Variants in EIF5AL1 observed in about 807,000 individuals in gnomAD.
EIF5AL1 encodes the protein eukaryotic translation initiation factor 5A-1-like.
In EIF5AL1, 4 loss-of-function variants were observed where a neutral mutation model predicts 9.0. The observed-to-expected ratio is 0.45, with a 90% CI of 0.22 to 1.02. The LOEUF is 1.02. Ranked by LOEUF, EIF5AL1 falls within the 50% of genes least tolerant of loss-of-function variation. The pLI, the probability that EIF5AL1 is intolerant of heterozygous loss-of-function variation, is 0.24. For missense variants in EIF5AL1, 58 were observed against 194.1 expected, an observed-to-expected ratio of 0.30 and a Z score of 4.17; for synonymous variants, 40 against 75.7, an observed-to-expected ratio of 0.53 and a Z score of 2.45.
rs943959457 is a variant in EIF5AL1 at position 79,513,890 on chromosome 10, G to C, written c.*776G>C. 6.0e-6 allele frequency: 1 copy of C among 167,300 alleles called. No individual in the cohort carries two copies. The highest frequency in any genetic ancestry group is 2.4e-5 in the African/African-American group (1 of 41,460). 10.4% of individuals were successfully genotyped at this position (167,300 alleles called of 1,614,324 possible). ...CCTTCAGCACACGCTGTCTGGAGTG[G>C]CCTGAAGCAAGGAGTGTCTTGTGAG... is the stretch of plus-strand genomic sequence containing the variant. On this transcript the variant is annotated 3_prime_UTR_variant, in exon 1 of 1. Coordinates refer to ENST00000520547, the MANE Select transcript of EIF5AL1 (RefSeq NM_001099692.2).
In EIF5AL1 at chr10:79,513,555, A is replaced by G; in HGVS notation, c.*441A>G. ...CTGAGCACCACCCAACAGACTGGGG[A>G]CCAGCCCCCTCGCCTGCCTGTGTCT... On this transcript the variant is annotated 3_prime_UTR_variant, in exon 1 of 1. Transcript: ENST00000520547. 1 of 199,772 alleles carries G rather than the reference A, an allele frequency of 5.0e-6. No individual in the cohort carries two copies. The highest frequency in any genetic ancestry group is 1.1e-5 in the Non-Finnish European group (1 of 87,260). 12.4% of individuals were successfully genotyped at this position (199,772 alleles called of 1,614,324 possible).
Sources: gnomAD v4.1 joint callset for allele counts on GRCh38, gnomAD v4.1.1 for gene constraint, MANE v1.5 for transcripts, NCBI Gene and HGNC (gene_info 2026-07-23, HGNC 2026-07-21) for gene names.